RNF216: variants seen among roughly 807,000 people sequenced by gnomAD.
RNF216 encodes E3 ubiquitin-protein ligase RNF216.
RNF216 carries 72 observed loss-of-function variants against 110.8 expected under a neutral mutation model. That is an observed-to-expected ratio of 0.65 (90% CI 0.54 to 0.79). The LOEUF (loss-of-function observed/expected upper bound fraction) is 0.79, where lower values mean the gene tolerates loss of function less well. Among genes scored for constraint, RNF216 ranks in the 30% least tolerant of loss-of-function variants. RNF216 has a pLI of 0.00. For missense variants in RNF216, 1,342 were observed against 1,141.2 expected, an observed-to-expected ratio of 1.18 and a Z score of -2.54; for synonymous variants, 495 against 407.5, an observed-to-expected ratio of 1.21 and a Z score of -2.59.
At chr7:5,670,544 T>A (rs770060517) in intron 13 of RNF216, among the ~76,000 whole-genome samples, 1 of 152,192 alleles carries the variant, frequency 6.6e-6, no homozygotes, top group African/African-American at 2.4e-5. Context: ...GGAGATTCCA[T>A]CATTTCACAG....
In RNF216 at chr7:5,652,530, A is replaced by C; in HGVS notation, c.2062-20T>G. The C allele has an allele frequency of 6.6e-7, 1 of 1,518,858 alleles. No individual in the cohort carries two copies. Among genetic ancestry groups the C allele is most frequent in the Non-Finnish European group, 9.1e-7 (1 of 1,093,026 alleles). 94.1% of individuals were successfully genotyped at this position (1,518,858 alleles called of 1,614,324 possible). A position where few individuals can be genotyped will look rare whatever the true frequency, so the allele number is the denominator to read the frequency against. Reference sequence around the variant, plus strand: ...GGTTTCCTGGGGATAAAGGACAGACACAAAGACAACTCCTGGTGAGTGGAC... The same window carrying C: ...GGTTTCCTGGGGATAAAGGACAGACCCAAAGACAACTCCTGGTGAGTGGAC... On this transcript the variant is annotated intron_variant, in intron 13 of 16. Transcript: ENST00000389902.
chr7:5,694,945 G>C (rs1340142362), intron 13 of RNF216, among the ~76,000 whole-genome samples: 1 of 152,166 alleles, frequency 6.6e-6, no homozygotes, highest in Non-Finnish European at 1.5e-5. Flanking sequence ...AAAGACCCTG[G>C]TTAACTGACA....
chr7:5,768,897 G>A (rs1021019066), intron 1 of RNF216, among the ~76,000 whole-genome samples: 3 of 151,704 alleles, frequency 2.0e-5, no homozygotes, highest in Non-Finnish European at 4.4e-5. Context: ...TCCTGACCTC[G>A]TGATCCACCC....
chr7:5,769,243 G>A (rs969876221), intron 1 of RNF216, among the ~76,000 whole-genome samples: 2 of 151,098 alleles, frequency 1.3e-5, no homozygotes, highest in East Asian at 2.0e-4. Context: ...TCAGCCTCCC[G>A]AGTAGCTGGG....
At chr7:5,626,918 G>A (rs1015841023) in intron 15 of RNF216, among the ~76,000 whole-genome samples, 5 of 152,188 alleles carry the variant, frequency 3.3e-5, no homozygotes, top group Admixed American at 2.0e-4. Context: ...GAAGTTTCAT[G>A]AAGAAGTGGT....
At chr7:5,721,500 T>A (rs901545604) in intron 8 of RNF216, among the ~76,000 whole-genome samples, 19 of 152,364 alleles carry the variant, frequency 1.2e-4, no homozygotes, top group African/African-American at 4.1e-4. Flanking sequence ...TGTTTTGGGT[T>A]AATCTGAATA....
At chr7:5,715,433 G>C (rs762293134) in intron 10 of RNF216, among the ~76,000 whole-genome samples, 7 of 152,064 alleles carry the variant, frequency 4.6e-5, no homozygotes, top group Admixed American at 2.6e-4. Flanking sequence ...GTATTCTTTA[G>C]AGTAATTCTT....
chr7:5,730,704 A>G lies in RNF216; in HGVS notation c.1224+11T>C, dbSNP rs1179780743. ...CAGGCAGTGACTGCAAAACATGAAC[A>G]TGACACTTGCCTTTGTCTCATCTTG... On this transcript the variant is annotated intron_variant, in intron 6 of 16. Transcript: ENST00000389902. 5.6e-6 allele frequency: 9 copies of G among 1,598,028 alleles called. No individual in the cohort carries two copies. The highest frequency in any genetic ancestry group is 2.2e-5 in the South Asian group (2 of 89,790).
At chr7:5,751,827 T>TAAAAA (rs3075700) in intron 3 of RNF216, among the ~76,000 whole-genome samples, 214 of 37,294 alleles carry the variant, frequency 5.7e-3, no homozygotes, top group East Asian at 0.025. Context: ...ATCTTTAAAC[T>TAAAAA]AAAAAAAAAA....
intron 13 of RNF216, among the ~76,000 whole-genome samples, chr7:5,693,637 G>T (rs1562398402): frequency 6.6e-6 from 1 of 152,212 alleles, no homozygotes; most frequent in Non-Finnish European, 1.5e-5. Context: ...CTTTTTAGAG[G>T]AAGTAAGAAG....
chr7:5,722,756 T>C (rs981265429), intron 8 of RNF216, among the ~76,000 whole-genome samples: 1 of 151,852 alleles, frequency 6.6e-6, no homozygotes, highest in Non-Finnish European at 1.5e-5. Flanking sequence ...GCGCAGTGAC[T>C]CACGCCTGTA....
At chr7:5,735,852 T>G (rs1421687197) in intron 5 of RNF216, among the ~76,000 whole-genome samples, 1 of 152,190 alleles carries the variant, frequency 6.6e-6, no homozygotes, top group Non-Finnish European at 1.5e-5. Flanking sequence ...CCCAGCACTT[T>G]GGGAGGCCGA....
intron 7 of RNF216, among the ~76,000 whole-genome samples, chr7:5,728,377 G>A (rs1793886881): frequency 6.6e-6 from 1 of 151,880 alleles, no homozygotes; most frequent in African/African-American, 2.4e-5. Context: ...GTCAGGAGTT[G>A]CTGACCAGCT....
chr7:5,708,692 G>T (rs1792459835), intron 13 of RNF216, among the ~76,000 whole-genome samples: 1 of 151,988 alleles, frequency 6.6e-6, no homozygotes. Flanking sequence ...GCTTCTTCTG[G>T]TGCCTGTCTG....
At chr7:5,712,625 A>T in intron 12 of RNF216, 90 bp downstream of exon 12, 1 of 1,287,042 alleles carries the variant, frequency 7.8e-7, no homozygotes, top group Non-Finnish European at 1.1e-6. Flanking sequence ...CTGGAAGATA[A>T]ACACAATTTT....
intron 13 of RNF216, among the ~76,000 whole-genome samples, chr7:5,674,660 C>G (rs187223269): frequency 5.6e-4 from 85 of 150,782 alleles, no homozygotes; most frequent in African/African-American, 2.0e-3. Context: ...AAAAAGTCAG[C>G]TGGGAATTCC....
chr7:5,753,009 G>T (rs1795413695), intron 2 of RNF216, 30 bp from the exon 3 acceptor site: 1 of 1,591,464 alleles, frequency 6.3e-7, no homozygotes. Flanking sequence ...ACTGTTACTG[G>T]GAGGTTGGCA....
chr7:5,674,445 C>T (rs945323703), intron 13 of RNF216, among the ~76,000 whole-genome samples: 6 of 151,384 alleles, frequency 4.0e-5, no homozygotes, highest in South Asian at 4.2e-4. Context: ...GAGTGAGCCA[C>T]TGCACCCAGC....
chr7:5,679,068 C>T (rs537780790), intron 13 of RNF216, among the ~76,000 whole-genome samples: 1 of 152,318 alleles, frequency 6.6e-6, no homozygotes, highest in South Asian at 2.1e-4. Context: ...AGATTAGATA[C>T]AGTGGAATGA....
Sources: gnomAD v4.1 joint callset for allele counts (sites outside exome capture counted in the v4.1 genomes callset) on GRCh38, gnomAD v4.1.1 for gene constraint, MANE v1.5 for transcripts, NCBI Gene and HGNC (gene_info 2026-07-23, HGNC 2026-07-21) for gene names.